The following SMARCA2 variants were observed in gnomAD, a reference collection of about 807,000 sequenced individuals.
SMARCA2 encodes SWI/SNF related BAF chromatin remodeling complex subunit ATPase 2, also known as SWI/SNF-related matrix-associated actin-dependent regulator of chromatin subfamily A member 2.
Under a neutral mutation model 199.8 loss-of-function variants are expected in SMARCA2, and 61 were observed. That is an observed-to-expected ratio of 0.31 (90% CI 0.25 to 0.38). The LOEUF (loss-of-function observed/expected upper bound fraction) is 0.38, where lower values mean the gene tolerates loss of function less well. Ranked by LOEUF, SMARCA2 falls within the 10% of genes least tolerant of loss-of-function variation. The probability of loss-of-function intolerance (pLI) is 1.00; values close to 1 mark genes in which losing one functional copy is unlikely to be tolerated. For missense variants in SMARCA2, 1,344 were observed against 2,012.2 expected (o/e 0.67, Z 6.35); for synonymous variants, 935 against 732.0 (o/e 1.28, Z -4.48).
At chr9:2,160,871 G>C (rs1266313069) in intron 27 of SMARCA2, 1 of 341,040 alleles carries the variant, frequency 2.9e-6, no homozygotes, top group South Asian at 9.0e-5. Context: ...TTTGAGTTTT[G>C]AGATTTACCA....
At chr9:2,187,079 A>T (rs966658028) in intron 32 of SMARCA2, among the ~76,000 whole-genome samples, 3 of 152,132 alleles carry the variant, frequency 2.0e-5, no homozygotes, top group Non-Finnish European at 4.4e-5. Context: ...TTAGAAAATA[A>T]TTGTCAAACT....
At position 2,084,143 on chromosome 9, in the gene SMARCA2, G is replaced by A; in HGVS notation, c.2473G>A (p.Val825Ile). The change falls in exon 17 of 34, where the codon GTC becomes ATC. Residue 825 changes from valine to isoleucine, a missense_variant. Coordinates refer to ENST00000349721, the MANE Select transcript of SMARCA2 (RefSeq NM_003070.5). ...VPQLRSGKFN[V>I]LLTTYEYIIK... ...CCAGCTACGGAGTGGCAAATTCAATGTCCTCTTGACTACTTATGAGTATAT... is the reference window on the plus strand; with the variant it reads ...CCAGCTACGGAGTGGCAAATTCAATATCCTCTTGACTACTTATGAGTATAT... 6.2e-7 allele frequency: 1 copy of A among 1,612,498 alleles called. No homozygotes were observed. Among genetic ancestry groups the A allele is most frequent in the South Asian group, 1.1e-5 (1 of 91,040 alleles).
rs146706240 is a variant in SMARCA2, at chr9:2,103,718, T to C, written c.3126-285T>C. Among the ~76,000 whole-genome samples the C allele has an allele frequency of 3.0e-3, 450 of 150,716 alleles. 3 individuals are homozygous for C. The highest frequency in any genetic ancestry group is 0.01 in the African/African-American group (425 of 40,900). On this transcript the variant is annotated intron_variant, in intron 22 of 33. Transcript: ENST00000349721. ...GAGAAAGAATAAGTTGAGAGAAAGATTGAAAGTATTAAGAACATGAAAGTG... is the reference window on the plus strand; with the variant it reads ...GAGAAAGAATAAGTTGAGAGAAAGACTGAAAGTATTAAGAACATGAAAGTG...
chr9:2,173,646 G>A (rs939108844), intron 29 of SMARCA2, among the ~76,000 whole-genome samples: 7 of 152,256 alleles, frequency 4.6e-5, no homozygotes, highest in Middle Eastern at 6.8e-3. Flanking sequence ...ATTGTCTGGT[G>A]CATGAGCATT....
intron 1 of SMARCA2, among the ~76,000 whole-genome samples, chr9:2,027,058 G>C (rs1563714879): frequency 6.6e-6 from 1 of 151,930 alleles, no homozygotes; most frequent in Non-Finnish European, 1.5e-5. Flanking sequence ...TAATTTACTT[G>C]TCAAAATGGC....
Position 2,115,616 on chromosome 9 carries a change from G to T in SMARCA2, c.3457-206G>T, listed in dbSNP as rs1051213357. Among the ~76,000 whole-genome samples the T allele has an allele frequency of 6.6e-6, 1 of 152,124 alleles. No homozygotes were observed. Among genetic ancestry groups the T allele is most frequent in the African/African-American group, 2.4e-5 (1 of 41,406 alleles). On this transcript the variant is annotated intron_variant, in intron 24 of 33. Coordinates refer to ENST00000349721, the MANE Select transcript of SMARCA2 (RefSeq NM_003070.5). This position sits in a 1 kb window ranked among gnomAD's most constrained non-coding sequence, Gnocchi z 6.0. ...ACCTGAGATGTATTTCAGTTGGCTT[G>T]GTTAATTTCAACCCAGGTTTCTTCA...
chr9:2,045,646 T>C (rs1819804352), intron 4 of SMARCA2: 1 of 151,364 alleles, frequency 6.6e-6, no homozygotes, highest in Non-Finnish European at 1.5e-5. Flanking sequence ...ATTATGGAGG[T>C]ACATCTACAA....
intron 9 of SMARCA2, among the ~76,000 whole-genome samples, chr9:2,068,671 A>C (rs1820950186): frequency 6.6e-6 from 1 of 152,140 alleles, no homozygotes; most frequent in Non-Finnish European, 1.5e-5. Flanking sequence ...TAAAGAGCCC[A>C]AGGGAGGAAA....
rs1563737402 is a variant in SMARCA2 at position 2,056,895 on chromosome 9, A to G, written c.1347+50A>G. 7 of 1,552,090 alleles carry G rather than the reference A, an allele frequency of 4.5e-6. No homozygotes were observed. The East Asian group carries it at 6.9e-5, about 15-fold the overall frequency. ...ACCCTCACTTTGGCAGAGCTGTCCAATGAATTCATCAAATGGGGTCAGAAT... is the reference window on the plus strand; with the variant it reads ...ACCCTCACTTTGGCAGAGCTGTCCAGTGAATTCATCAAATGGGGTCAGAAT... On this transcript the variant is annotated intron_variant, in intron 7 of 33. Transcript: ENST00000349721. This position sits in a 1 kb window ranked among gnomAD's most constrained non-coding sequence, Gnocchi z 4.0.
chr9:2,147,834 C>G (rs1824843749), intron 27 of SMARCA2, among the ~76,000 whole-genome samples: 1 of 151,122 alleles, frequency 6.6e-6, no homozygotes, highest in African/African-American at 2.4e-5. Context: ...GGTGACAGAG[C>G]CAGACTCCGT....
intron 29 of SMARCA2, among the ~76,000 whole-genome samples, chr9:2,171,776 C>G (rs1231376865): frequency 6.6e-6 from 1 of 152,162 alleles, no homozygotes; most frequent in African/African-American, 2.4e-5. Flanking sequence ...GGCTAAATGG[C>G]ATGATGTAAG....
At chr9:2,028,415 G>A (rs1818923257) in intron 1 of SMARCA2, among the ~76,000 whole-genome samples, 1 of 152,180 alleles carries the variant, frequency 6.6e-6, no homozygotes, top group Non-Finnish European at 1.5e-5. Flanking sequence ...ACATATATGA[G>A]TATTTGAACC....
chr9:2,167,958 C>T (rs926248029), intron 28 of SMARCA2, among the ~76,000 whole-genome samples: 4 of 151,734 alleles, frequency 2.6e-5, no homozygotes, highest in Non-Finnish European at 5.9e-5. Context: ...GATACAATGA[C>T]ATTACCTGGT....
chr9:2,158,990 G>A (rs761377700), intron 27 of SMARCA2: 29 of 1,611,824 alleles, frequency 1.8e-5, no homozygotes, highest in Non-Finnish European at 2.5e-5. Flanking sequence ...TCAGTACTTT[G>A]TGTGTTTCCT....
intron 23 of SMARCA2, among the ~76,000 whole-genome samples, chr9:2,106,207 A>C (rs1822748185): frequency 6.6e-6 from 1 of 152,244 alleles, no homozygotes; most frequent in African/African-American, 2.4e-5. Flanking sequence ...ACCAGGTTCT[A>C]ACTTGGATCT....
At chr9:2,061,010 T>C (rs1329117350) in intron 9 of SMARCA2, 24 bp downstream of exon 9, 1 of 1,609,050 alleles carries the variant, frequency 6.2e-7, no homozygotes, top group Non-Finnish European at 8.5e-7. Flanking sequence ...TGGTGGTGGC[T>C]GAGTCCAGGG....
At chr9:2,140,441 C>T (rs1329304252) in intron 27 of SMARCA2, among the ~76,000 whole-genome samples, 1 of 152,156 alleles carries the variant, frequency 6.6e-6, no homozygotes, top group Non-Finnish European at 1.5e-5. Flanking sequence ...TTAATAAGCC[C>T]AGCATAGGGG....
chr9:2,154,129 G>C (rs932964288), intron 27 of SMARCA2, among the ~76,000 whole-genome samples: 2 of 152,186 alleles, frequency 1.3e-5, no homozygotes, highest in African/African-American at 4.8e-5. Flanking sequence ...CTGTGCCTCA[G>C]TTTCCTCATC....
chr9:2,043,707 C>G (rs1819711665), intron 4 of SMARCA2: 1 of 152,154 alleles, frequency 6.6e-6, no homozygotes, highest in African/African-American at 2.4e-5. Flanking sequence ...GCACTGAATG[C>G]TTTGAAGTTC....
Sources: allele counts gnomAD v4.1 joint callset (sites outside exome capture counted in the v4.1 genomes callset), GRCh38; gene constraint gnomAD v4.1.1; non-coding constraint Gnocchi (gnomAD v3.1); transcripts MANE v1.5; gene names NCBI Gene and HGNC (gene_info 2026-07-23, HGNC 2026-07-21).